LRMDA: variants seen among roughly 807,000 people sequenced by gnomAD.
The protein encoded by LRMDA is leucine rich melanocyte differentiation associated.
Under a neutral mutation model 29.8 loss-of-function variants are expected in LRMDA, and 18 were observed. The ratio of observed to expected loss-of-function variants is 0.60; its 90% CI spans 0.42 to 0.90. LRMDA has a LOEUF of 0.90. LRMDA is among the 40% of genes least tolerant of loss of function. LRMDA has a pLI of 0.00. For synonymous variants in LRMDA, 125 were observed against 109.4 expected, an observed-to-expected ratio of 1.14 and a Z score of -0.89; for missense variants, 273 against 273.9, an observed-to-expected ratio of 1.00 and a Z score of 0.02.
At chr10:75,710,734 G>A (rs1443270033) in intron 2 of LRMDA, among the ~76,000 whole-genome samples, 5 of 152,256 alleles carry the variant, frequency 3.3e-5, no homozygotes, top group Non-Finnish European at 7.3e-5. Flanking sequence ...AAGGAGTGGT[G>A]TGAAGACTGA....
intron 5 of LRMDA, among the ~76,000 whole-genome samples, chr10:76,074,323 T>C (rs1460665551): frequency 6.6e-6 from 1 of 152,122 alleles, no homozygotes; most frequent in African/African-American, 2.4e-5. Flanking sequence ...CATTTGTTTT[T>C]CGGGGGGTGG....
At chr10:75,560,522 T>C (rs2132061587) in intron 2 of LRMDA, among the ~76,000 whole-genome samples, 1 of 151,968 alleles carries the variant, frequency 6.6e-6, no homozygotes, top group South Asian at 2.1e-4. Context: ...GAATACCCTT[T>C]ATTTGCTTCT....
intron 2 of LRMDA, among the ~76,000 whole-genome samples, chr10:75,627,664 C>T (rs1031974249): frequency 1.3e-5 from 2 of 152,144 alleles, no homozygotes; most frequent in Non-Finnish European, 2.9e-5. Context: ...GACAGTCTAC[C>T]ACGATGCTTG....
In LRMDA at chr10:76,536,438, C is replaced by T. The variant is rs373148444; in HGVS notation, c.602-20771C>T. ...GGCAGTGTCACATCACTGGGGTCTC[C>T]GGGGGTCGATCCAGCAATCTTTGTT... On this transcript the variant is annotated intron_variant, in intron 6 of 6. Coordinates refer to ENST00000611255, the MANE Select transcript of LRMDA (RefSeq NM_001305581.2). 2.6e-4 allele frequency among the ~76,000 whole-genome samples: 40 copies of T among 152,104 alleles called. No individual in the cohort carries two copies. In the South Asian group the frequency reaches 4.4e-3, roughly 17 times the overall value.
intron 6 of LRMDA, among the ~76,000 whole-genome samples, chr10:76,354,144 C>T (rs549096912): frequency 6.6e-6 from 1 of 152,216 alleles, no homozygotes; most frequent in East Asian, 1.9e-4. Flanking sequence ...ATATCCCCGT[C>T]CCACCCGAAT....
At chr10:75,895,239 A>C (rs1326392220) in intron 2 of LRMDA, among the ~76,000 whole-genome samples, 2 of 152,186 alleles carry the variant, frequency 1.3e-5, no homozygotes, top group Non-Finnish European at 2.9e-5. Flanking sequence ...TTTTAAGGTG[A>C]ATCTGTCAGG....
chr10:76,548,937 G>A (rs1843454456), intron 6 of LRMDA, among the ~76,000 whole-genome samples: 1 of 152,150 alleles, frequency 6.6e-6, no homozygotes, highest in Non-Finnish European at 1.5e-5. Context: ...CTGAGTGTGG[G>A]GTCCAGGACC....
At chr10:75,518,581 TC>T (rs1845321538) in intron 2 of LRMDA, among the ~76,000 whole-genome samples, 1 of 152,194 alleles carries the variant, frequency 6.6e-6, no homozygotes, top group Admixed American at 6.5e-5. Flanking sequence ...TCTATTCGAT[TC>T]TTCTCTCTTT....
intron 2 of LRMDA, among the ~76,000 whole-genome samples, chr10:75,749,222 C>T (rs1017254676): frequency 2.0e-5 from 3 of 152,146 alleles, no homozygotes; most frequent in Non-Finnish European, 4.4e-5. Flanking sequence ...CTCTATCTTA[C>T]TTTATTGTAA....
At chr10:75,720,526 G>C (rs183340285) in intron 2 of LRMDA, among the ~76,000 whole-genome samples, 2 of 152,162 alleles carry the variant, frequency 1.3e-5, no homozygotes, top group Non-Finnish European at 2.9e-5. Flanking sequence ...AAATGCCTTC[G>C]AAGTTTACTT....
intron 6 of LRMDA, among the ~76,000 whole-genome samples, chr10:76,353,517 G>GAC: frequency 6.6e-6 from 1 of 152,264 alleles, no homozygotes; most frequent in African/African-American, 2.4e-5. Context: ...ACAGTCTGAT[G>GAC]ATGACACGTT....
chr10:76,056,326 A>T (rs1396512676), intron 4 of LRMDA, among the ~76,000 whole-genome samples: 1 of 152,186 alleles, frequency 6.6e-6, no homozygotes, highest in African/African-American at 2.4e-5. Context: ...CAGAAAAAGT[A>T]CCATATGTTC....
chr10:76,364,540 G>T (rs1841366036), intron 6 of LRMDA, among the ~76,000 whole-genome samples: 1 of 151,988 alleles, frequency 6.6e-6, no homozygotes, highest in African/African-American at 2.4e-5. Context: ...TTCCATGTTG[G>T]GGGAACCAGG....
At chr10:76,485,839 C>T (rs79987689) in intron 6 of LRMDA, among the ~76,000 whole-genome samples, 1,742 of 151,880 alleles carry the variant, frequency 0.011, 38 homozygotes, top group African/African-American at 0.04. Flanking sequence ...TTCTGTTTCT[C>T]TCTCGGGGTT....
chr10:76,180,277 C>CT (rs34563574), intron 5 of LRMDA, among the ~76,000 whole-genome samples: 2,112 of 89,910 alleles, frequency 0.023, 36 homozygotes, highest in East Asian at 0.036. Flanking sequence ...TTGGAAAAAA[C>CT]TTTTTTTTTT....
chr10:76,244,506 A>G (rs565353024), intron 5 of LRMDA, among the ~76,000 whole-genome samples: 2 of 152,244 alleles, frequency 1.3e-5, no homozygotes, highest in South Asian at 2.1e-4. Context: ...AGCCATGTAG[A>G]TATTAAAAGT....
At chr10:76,411,516 G>T (rs1163907532) in intron 6 of LRMDA, among the ~76,000 whole-genome samples, 1 of 152,236 alleles carries the variant, frequency 6.6e-6, no homozygotes, top group Non-Finnish European at 1.5e-5. Flanking sequence ...TCCCTAAAGG[G>T]ACAGTCCTAT....
At chr10:76,123,342 C>CAAA (rs3042573) in intron 5 of LRMDA, among the ~76,000 whole-genome samples, 2 of 144,086 alleles carry the variant, frequency 1.4e-5, no homozygotes, top group African/African-American at 5.1e-5. Flanking sequence ...TTATTTCTAC[C>CAAA]AAAAAAAAAA....
At chr10:76,252,595 G>A (rs912410972) in intron 5 of LRMDA, among the ~76,000 whole-genome samples, 1 of 152,212 alleles carries the variant, frequency 6.6e-6, no homozygotes, top group African/African-American at 2.4e-5. Flanking sequence ...CTTGGTCAGA[G>A]GCCAGGTTTT....
Sources: gnomAD v4.1 joint callset for allele counts (sites outside exome capture counted in the v4.1 genomes callset) on GRCh38, gnomAD v4.1.1 for gene constraint, MANE v1.5 for transcripts, NCBI Gene and HGNC (gene_info 2026-07-23, HGNC 2026-07-21) for gene names.